Variants in CEP135 observed in about 807,000 individuals in gnomAD.
CEP135 encodes centrosomal protein of 135 kDa.
Under a neutral mutation model 157.3 loss-of-function variants are expected in CEP135, and 142 were observed. That is an observed-to-expected ratio of 0.90 (90% confidence interval 0.79 to 1.04). The LOEUF is 1.04. CEP135 is among the 50% of genes least tolerant of loss of function. The pLI is 0.00. For missense variants in CEP135, 1,317 were observed against 1,309.2 expected, an observed-to-expected ratio of 1.01 and a Z score of -0.09; for synonymous variants, 396 against 439.8, an observed-to-expected ratio of 0.90 and a Z score of 1.25.
intron 9 of CEP135, among the ~76,000 whole-genome samples, chr4:55,970,059 A>G (rs1209127205): frequency 6.6e-6 from 1 of 150,988 alleles, no homozygotes; most frequent in African/African-American, 2.4e-5. Flanking sequence ...TTTAGTAGAA[A>G]TGAGGTCTTA....
chr4:55,961,764 TAAAAAAAAAAAAA>T lies in CEP135; in HGVS notation c.699+2017_699+2029del, dbSNP rs564116620. 2.1e-3 allele frequency among the ~76,000 whole-genome samples: 114 copies of T among 54,212 alleles called. 1 individual carries two copies. The highest frequency in any genetic ancestry group is 4.3e-3 in the Admixed American group (17 of 3,940). The allele number at this position is 54,212 out of a possible 152,430, so 35.6% of individuals were successfully genotyped here. A position where few individuals can be genotyped will look rare whatever the true frequency, so the allele number is the denominator to read the frequency against. On this transcript the variant is annotated intron_variant, in intron 6 of 25. Coordinates refer to ENST00000257287, the MANE Select transcript of CEP135 (RefSeq NM_025009.5). ...GGGCAACAAGAGCGAAAACTCTGTCTAAAAAAAAAAAAAAAAAAAAAAAAAAAAAAATCCATCT... is the reference window on the plus strand; with the variant it reads ...GGGCAACAAGAGCGAAAACTCTGTCTAAAAAAAAAAAAAAAAAATCCATCT...
intron 15 of CEP135, among the ~76,000 whole-genome samples, chr4:55,997,885 T>C (rs1458358596): frequency 6.6e-6 from 1 of 152,206 alleles, no homozygotes; most frequent in Non-Finnish European, 1.5e-5. Context: ...AACCTGAACC[T>C]CACACATAAT....
At position 55,953,203 on chromosome 4, in the gene CEP135, T is replaced by C. The variant is rs781713624; in HGVS notation, c.232T>C (p.Leu78=). 1.7e-5 allele frequency: 27 copies of C among 1,602,718 alleles called. No individual in the cohort carries two copies. In the East Asian group the frequency reaches 4.5e-4, roughly 27 times the overall value. ...LEPYKLENAR[L]SRENNELYLE... Reference sequence around the variant, plus strand: ...ACCCTATAAACTTGAAAATGCAAGATTGAGTAGAGAAAATAATGAATTATA... The same window carrying C: ...ACCCTATAAACTTGAAAATGCAAGACTGAGTAGAGAAAATAATGAATTATA... The change falls in exon 3 of 26, where the codon TTG becomes CTG. Residue 78 remains leucine, a synonymous_variant. Transcript: ENST00000257287.
chr4:55,953,069 T>G lies in CEP135; in HGVS notation c.114-16T>G, dbSNP rs1418933143. 1 of 1,534,436 alleles carries G rather than the reference T, an allele frequency of 6.5e-7. No individual in the cohort carries two copies. The highest frequency in any genetic ancestry group is 8.7e-7 in the Non-Finnish European group (1 of 1,146,098). ...AATGAAATATTTCCTGGTATTTAAA[T>G]TTTCTGTTCTTTTAGCGACTTAGTT... On this transcript the variant is annotated splice_polypyrimidine_tract_variant and intron_variant, in intron 2 of 25. Transcript: ENST00000257287.
At chr4:56,023,329 G>A (rs1731030241) in intron 24 of CEP135, among the ~76,000 whole-genome samples, 1 of 152,054 alleles carries the variant, frequency 6.6e-6, no homozygotes, top group Non-Finnish European at 1.5e-5. Context: ...TAGGTAGAAA[G>A]AGAACCAGAA....
chr4:56,005,470 A>G (rs1436265275), intron 17 of CEP135, among the ~76,000 whole-genome samples: 1 of 151,164 alleles, frequency 6.6e-6, no homozygotes, highest in Non-Finnish European at 1.5e-5. Flanking sequence ...AGACATAACT[A>G]AAAAAAAATT....
At chr4:56,016,226 C>G (rs1347952989) in intron 21 of CEP135, among the ~76,000 whole-genome samples, 1 of 152,128 alleles carries the variant, frequency 6.6e-6, no homozygotes, top group Non-Finnish European at 1.5e-5. Flanking sequence ...CATAGAAGCT[C>G]TGGAAGAACC....
At chr4:56,014,538 A>G (rs1395587210) in intron 21 of CEP135, among the ~76,000 whole-genome samples, 1 of 152,210 alleles carries the variant, frequency 6.6e-6, no homozygotes, top group Non-Finnish European at 1.5e-5. Context: ...ACTTGTTATA[A>G]AGTGACAGAG....
At chr4:55,999,742 G>A in intron 17 of CEP135, 97 bp downstream of exon 17, 3 of 1,250,352 alleles carry the variant, frequency 2.4e-6, no homozygotes, top group Non-Finnish European at 3.3e-6. Context: ...ACTCAGGCTG[G>A]AGTGCAGTGG....
intron 13 of CEP135, among the ~76,000 whole-genome samples, chr4:55,985,061 A>G (rs9312668): frequency 2.0e-5 from 3 of 152,146 alleles, no homozygotes; most frequent in Admixed American, 2.0e-4. Context: ...ACAATCACAC[A>G]TGGAGGTAGA....
intron 24 of CEP135, 28 bp downstream of exon 24, chr4:56,020,808 A>C: frequency 6.5e-7 from 1 of 1,544,284 alleles, no homozygotes; most frequent in Non-Finnish European, 8.9e-7. Flanking sequence ...TACATTTGAC[A>C]ATGTTTTTAT....
chr4:55,981,336 G>A lies in CEP135; in HGVS notation c.1736G>A (p.Arg579Lys), dbSNP rs372519963. The A allele has an allele frequency of 1.8e-5, 29 of 1,589,428 alleles. 1 individual carries two copies. In the East Asian group the frequency reaches 6.1e-4, roughly 34 times the overall value. The change falls in exon 13 of 26, where the codon AGA becomes AAA. Residue 579 changes from arginine to lysine, a missense_variant. Arg to Lys is a conservative substitution (Grantham distance 26, BLOSUM62 2). Transcript: ENST00000257287. ...AAAGAACTTGCGTTATCTGACTTAA[G>A]AAGAATTATGGCAGAAAAGGAAGCT... The part of the protein sequence containing the change: ...KEKELALSDL[R>K]RIMAEKEALR...
rs1577886382 is a variant in CEP135 at position 55,985,331 on chromosome 4, T to C, written c.1830T>C (p.Ile610=). The C allele has an allele frequency of 6.3e-7, 1 of 1,595,198 alleles. No homozygotes were observed. The change falls in exon 14 of 26, where the codon ATT becomes ATC. Residue 610 remains isoleucine (I), a synonymous_variant. Coordinates refer to ENST00000257287, the MANE Select transcript of CEP135 (RefSeq NM_025009.5). ...GAAAATCAGAATTAGAGAAAACTAT[T>C]GAACATTTGACATGTGTTAATCATC... ...LFGKSELEKT[I]EHLTCVNHQL...
At chr4:56,016,578 A>G (rs1730781886) in intron 21 of CEP135, among the ~76,000 whole-genome samples, 2 of 152,088 alleles carry the variant, frequency 1.3e-5, no homozygotes, top group Admixed American at 6.6e-5. Flanking sequence ...TGTTTAGGGG[A>G]GCTTTTATTA....
chr4:55,983,865 G>A (rs972403813), intron 13 of CEP135, among the ~76,000 whole-genome samples: 4 of 152,164 alleles, frequency 2.6e-5, no homozygotes, highest in Middle Eastern at 3.4e-3. Flanking sequence ...TGATGTCTCC[G>A]AGTTACAGTG....
chr4:56,003,932 G>C (rs527362555), intron 17 of CEP135, among the ~76,000 whole-genome samples: 1 of 151,902 alleles, frequency 6.6e-6, no homozygotes, highest in Non-Finnish European at 1.5e-5. Flanking sequence ...TGTTTCCCAG[G>C]CTGGTCTCCA....
In CEP135 at chr4:55,965,772, A is replaced by C; in HGVS notation, c.957A>C (p.Leu319Phe). The C allele has an allele frequency of 6.2e-7, 1 of 1,613,942 alleles. No homozygotes were observed. The highest frequency in any genetic ancestry group is 8.5e-7 in the Non-Finnish European group (1 of 1,179,886). The part of the protein sequence containing the change: ...SNKNEKLCQE[L>F]TEIDQLAQQL... ...AAAATGAAAAACTCTGCCAAGAATTAACTGAAATAGATCAGTTAGCACAGC... is the reference window on the plus strand; with the variant it reads ...AAAATGAAAAACTCTGCCAAGAATTCACTGAAATAGATCAGTTAGCACAGC... The change falls in exon 8 of 26, where the codon TTA (leucine) becomes TTC (phenylalanine). Residue 319 changes from leucine to phenylalanine, a missense_variant. Coordinates refer to ENST00000257287, the MANE Select transcript of CEP135 (RefSeq NM_025009.5).
chr4:55,971,597 T>A (rs1292951230), intron 10 of CEP135, among the ~76,000 whole-genome samples, 189 bp downstream of exon 10: 2 of 151,956 alleles, frequency 1.3e-5, no homozygotes, highest in Non-Finnish European at 2.9e-5. Context: ...AGAATTTTTA[T>A]GTTTTGGCTA....
chr4:56,004,283 C>T (rs1468193835), intron 17 of CEP135, among the ~76,000 whole-genome samples: 1 of 152,118 alleles, frequency 6.6e-6, no homozygotes, highest in African/African-American at 2.4e-5. Flanking sequence ...ACTTGATATG[C>T]TTTCTACTTT....
Sources: gnomAD v4.1 joint callset for allele counts (sites outside exome capture counted in the v4.1 genomes callset) on GRCh38, gnomAD v4.1.1 for gene constraint, MANE v1.5 for transcripts, NCBI Gene and HGNC (gene_info 2026-07-23, HGNC 2026-07-21) for gene names.